The following SHOC2 variants were observed in gnomAD, a reference collection of about 807,000 sequenced individuals.
The protein encoded by SHOC2 is SHOC2 leucine rich repeat scaffold protein.
In SHOC2, 4 loss-of-function variants were observed where a neutral mutation model predicts 50.2. The ratio of observed to expected loss-of-function variants is 0.08; its 90% CI spans 0.04 to 0.18. SHOC2 has a LOEUF of 0.18. Among genes scored for constraint, SHOC2 ranks in the 10% least tolerant of loss-of-function variants. The pLI, the probability that SHOC2 is intolerant of heterozygous loss-of-function variation, is 1.00. For missense variants in SHOC2, 388 were observed against 669.6 expected, an observed-to-expected ratio of 0.58 and a Z score of 4.64; for synonymous variants, 218 against 244.5, an observed-to-expected ratio of 0.89 and a Z score of 1.01.
At chr10:110,922,656 A>C (rs1846678921) in intron 1 of SHOC2, among the ~76,000 whole-genome samples, 1 of 152,098 alleles carries the variant, frequency 6.6e-6, no homozygotes, top group South Asian at 2.1e-4. Flanking sequence ...TGCTTATAAC[A>C]AAATAAGATT....
chr10:110,951,162 T>G (rs942689770), intron 1 of SHOC2, among the ~76,000 whole-genome samples: 1 of 152,128 alleles, frequency 6.6e-6, no homozygotes, highest in African/African-American at 2.4e-5. Context: ...ATATCCAAAA[T>G]ATATTTAAGA....
At chr10:110,999,877 T>A (rs1271198458) in intron 3 of SHOC2, among the ~76,000 whole-genome samples, 1 of 152,142 alleles carries the variant, frequency 6.6e-6, no homozygotes, top group Non-Finnish European at 1.5e-5. Context: ...TTGTAAGTTT[T>A]GGGGAGGGGG....
intron 3 of SHOC2, among the ~76,000 whole-genome samples, chr10:110,988,325 G>A (rs1848119351): frequency 6.6e-6 from 1 of 152,002 alleles, no homozygotes; most frequent in African/African-American, 2.4e-5. Flanking sequence ...AGCCATCCAG[G>A]ACAGGACTTT....
intron 1 of SHOC2, chr10:110,937,063 G>C (rs1247360282): frequency 6.7e-7 from 1 of 1,487,168 alleles, no homozygotes; most frequent in Non-Finnish European, 9.4e-7. Flanking sequence ...GCTTGCGGAG[G>C]AAAGCCAAGT....
Position 110,955,380 on chromosome 10 carries a change from C to A in SHOC2, c.-234-8745C>A, listed in dbSNP as rs527239381. On this transcript the variant is annotated intron_variant, in intron 1 of 8. Coordinates refer to ENST00000369452, the MANE Select transcript of SHOC2 (RefSeq NM_007373.4). Reference sequence around the variant, plus strand: ...ACTCTTAAGTTTCTTAAGTTTCTTGCTTAACTGAATGTTGTCTTTTACTGA... The same window carrying A: ...ACTCTTAAGTTTCTTAAGTTTCTTGATTAACTGAATGTTGTCTTTTACTGA... Among the ~76,000 whole-genome samples, 548 of 152,240 alleles carry A rather than the reference C, an allele frequency of 3.6e-3. 2 individuals carry two copies. The highest frequency in any genetic ancestry group is 0.013 in the African/African-American group (534 of 41,532).
rs76710820 is a variant in SHOC2 at position 110,999,020 on chromosome 10, A to G, written c.842-1395A>G. Among the ~76,000 whole-genome samples the G allele has an allele frequency of 2.0e-5, 3 of 152,256 alleles. No individual in the cohort carries two copies. The East Asian group carries it at 5.8e-4, about 29-fold the overall frequency. ...TGATCATATGACAGCTTTTTGAACA[A>G]TGATTAAAGCAAAAGGAGAGAAATG... On this transcript the variant is annotated intron_variant, in intron 3 of 8. Coordinates refer to ENST00000369452, the MANE Select transcript of SHOC2 (RefSeq NM_007373.4).
chr10:111,006,882 T>C (rs1157836688), intron 5 of SHOC2, among the ~76,000 whole-genome samples: 1 of 152,234 alleles, frequency 6.6e-6, no homozygotes, highest in African/African-American at 2.4e-5. Flanking sequence ...AAAAGTGGCA[T>C]ACTTTTTTTC....
chr10:110,990,628 G>A (rs987317893), intron 3 of SHOC2, among the ~76,000 whole-genome samples: 2 of 152,132 alleles, frequency 1.3e-5, no homozygotes, highest in African/African-American at 4.8e-5. Context: ...GGACGTGGGT[G>A]GGGCCAGATA....
chr10:110,965,280 A>C (rs1847651450), intron 2 of SHOC2, among the ~76,000 whole-genome samples: 4 of 152,192 alleles, frequency 2.6e-5, no homozygotes, highest in African/African-American at 9.6e-5. Flanking sequence ...AATAGATGTA[A>C]TTAGATCTTT....
intron 1 of SHOC2, among the ~76,000 whole-genome samples, chr10:110,939,263 G>C (rs913213118): frequency 6.6e-6 from 1 of 151,996 alleles, no homozygotes; most frequent in African/African-American, 2.4e-5. Context: ...GTGTCACCCA[G>C]GGTGGAGTGC....
chr10:110,939,031 A>G (rs1447121942), intron 1 of SHOC2, among the ~76,000 whole-genome samples: 1 of 152,154 alleles, frequency 6.6e-6, no homozygotes, highest in Non-Finnish European at 1.5e-5. Context: ...TCAAAAATTG[A>G]TCTTCTTTGG....
chr10:111,009,158 T>C (rs1318927586), intron 6 of SHOC2, 90 bp from the exon 7 acceptor site: 1 of 853,276 alleles, frequency 1.2e-6, no homozygotes, highest in Admixed American at 2.2e-5. Flanking sequence ...TTTGGAAAAT[T>C]AGCATTGCTT....
intron 2 of SHOC2, among the ~76,000 whole-genome samples, chr10:110,980,158 C>CT (rs745350568): frequency 0.015 from 2,071 of 135,922 alleles, 50 homozygotes; most frequent in African/African-American, 0.047. Flanking sequence ...ATTCCTGTCA[C>CT]TTTTTTTTTT....
At chr10:110,971,668 A>G (rs1278174134) in intron 2 of SHOC2, among the ~76,000 whole-genome samples, 1 of 151,924 alleles carries the variant, frequency 6.6e-6, no homozygotes, top group East Asian at 1.9e-4. Flanking sequence ...TAATCCTTTT[A>G]ATTCATGAGC....
chr10:110,996,749 A>G (rs1394848560), intron 3 of SHOC2, among the ~76,000 whole-genome samples: 2 of 152,198 alleles, frequency 1.3e-5, no homozygotes, highest in East Asian at 1.9e-4. Context: ...TTGCTTTATT[A>G]TAATAAACTT....
intron 1 of SHOC2, among the ~76,000 whole-genome samples, chr10:110,927,639 A>AT (rs1310403956): frequency 1.3e-5 from 2 of 152,130 alleles, no homozygotes; most frequent in Non-Finnish European, 2.9e-5. Context: ...TATTTTTTAA[A>AT]TTTTCCCCAC....
chr10:110,925,481 G>T (rs1466662206), intron 1 of SHOC2, among the ~76,000 whole-genome samples: 3 of 152,154 alleles, frequency 2.0e-5, no homozygotes, highest in Non-Finnish European at 4.4e-5. Flanking sequence ...TCAAGACAGG[G>T]TCTCGCTCTG....
intron 2 of SHOC2, among the ~76,000 whole-genome samples, chr10:110,969,501 G>A (rs1312153984): frequency 6.6e-6 from 1 of 152,176 alleles, no homozygotes; most frequent in Non-Finnish European, 1.5e-5. Context: ...ACTCTAGACA[G>A]TGAAGTTTTA....
At chr10:110,940,047 A>G (rs1445299202) in intron 1 of SHOC2, among the ~76,000 whole-genome samples, 2 of 152,222 alleles carry the variant, frequency 1.3e-5, no homozygotes, top group Non-Finnish European at 2.9e-5. Flanking sequence ...TGAATTATGC[A>G]TTTAGACATA....
Sources: gnomAD v4.1 joint callset for allele counts (sites outside exome capture counted in the v4.1 genomes callset) on GRCh38, gnomAD v4.1.1 for gene constraint, MANE v1.5 for transcripts, NCBI Gene and HGNC (gene_info 2026-07-23, HGNC 2026-07-21) for gene names.